Variants in ADORA2B observed in about 807,000 individuals in gnomAD.
ADORA2B encodes the protein adenosine A2b receptor, also known as adenosine receptor A2b.
ADORA2B carries 18 observed loss-of-function variants against 20.8 expected under a neutral mutation model. The observed-to-expected ratio is 0.87, with a 90% CI of 0.60 to 1.29. The LOEUF is 1.29. ADORA2B is among the 50% of genes most tolerant of loss of function. The pLI is 0.00. For synonymous variants in ADORA2B, 179 were observed against 178.3 expected (o/e 1.00, Z -0.03); for missense variants, 441 against 422.7 (o/e 1.04, Z -0.38).
the ADORA2B span, among the ~76,000 whole-genome samples, chr17:15,913,496 C>A: frequency 6.6e-6 from 1 of 152,186 alleles, no homozygotes; most frequent in African/African-American, 2.4e-5. Flanking sequence ...ACAAGAAGGA[C>A]CCCTGGAGGG....
At chr17:15,866,688 T>TCTGCCG in the ADORA2B span, among the ~76,000 whole-genome samples, 2 of 78,824 alleles carry the variant, frequency 2.5e-5, no homozygotes, top group Non-Finnish European at 5.9e-5. Flanking sequence ...TGGCTCTCCC[T>TCTGCCG]CTGCCTCTGC....
At chr17:15,937,010 C>G in the ADORA2B span, among the ~76,000 whole-genome samples, 1 of 152,130 alleles carries the variant, frequency 6.6e-6, no homozygotes, top group Non-Finnish European at 1.5e-5. Flanking sequence ...AAATCTTTGC[C>G]TAGTAAACCT....
upstream of ADORA2B, among the ~76,000 whole-genome samples, chr17:15,941,478 G>A (rs550237274): frequency 1.2e-4 from 19 of 152,128 alleles, no homozygotes; most frequent in South Asian, 6.2e-4. Flanking sequence ...TTGTAATCCC[G>A]GCACTTTGGG....
the ADORA2B span, among the ~76,000 whole-genome samples, chr17:15,923,718 T>C: frequency 6.6e-6 from 1 of 152,050 alleles, no homozygotes; most frequent in Non-Finnish European, 1.5e-5. Flanking sequence ...ATTGCCCATA[T>C]TTCTTAGTGA....
chr17:15,900,134 A>G, the ADORA2B span, among the ~76,000 whole-genome samples: 3 of 152,088 alleles, frequency 2.0e-5, no homozygotes, highest in Admixed American at 1.3e-4. Context: ...CCAGCCAAAC[A>G]CATTTTCTTT....
intron 1 of ADORA2B, among the ~76,000 whole-genome samples, chr17:15,969,054 C>T (rs8075049): frequency 0.021 from 3,193 of 152,290 alleles, 106 homozygotes; most frequent in South Asian, 0.073. Flanking sequence ...CCTGCACTGG[C>T]GCTGTTCTTG....
upstream of ADORA2B, among the ~76,000 whole-genome samples, chr17:15,944,582 C>T (rs1194088569): frequency 1.3e-5 from 2 of 151,994 alleles, no homozygotes; most frequent in Admixed American, 6.6e-5. The surrounding 1 kb of genome is among the most constrained non-coding windows in gnomAD (Gnocchi z 4.8). Flanking sequence ...GGGCTGCAGC[C>T]CCCGAGGGCT....
the ADORA2B span, among the ~76,000 whole-genome samples, chr17:15,915,281 G>A: frequency 4.6e-5 from 7 of 152,158 alleles, no homozygotes; most frequent in African/African-American, 1.7e-4. Flanking sequence ...TGCGAAAGGC[G>A]CTCTGATTTT....
At chr17:15,929,005 C>G in the ADORA2B span, among the ~76,000 whole-genome samples, 1 of 152,062 alleles carries the variant, frequency 6.6e-6, no homozygotes. Flanking sequence ...CTGTCAGCTG[C>G]AGGTCCTCAG....
chr17:15,882,688 T>C, the ADORA2B span, among the ~76,000 whole-genome samples: 16 of 152,168 alleles, frequency 1.1e-4, no homozygotes. Flanking sequence ...TTTTTCCATA[T>C]AAATAGAAAT....
chr17:15,910,880 G>T, the ADORA2B span, among the ~76,000 whole-genome samples: 3 of 152,316 alleles, frequency 2.0e-5, no homozygotes, highest in Admixed American at 6.5e-5. Context: ...CTAACCTGGG[G>T]ACAAGAGACT....
chr17:15,974,593 T>A, intron 1 of ADORA2B, 86 bp from the exon 2 acceptor site: 1 of 1,225,786 alleles, frequency 8.2e-7, no homozygotes, highest in Non-Finnish European at 1.2e-6. Context: ...TGTTAAAGGG[T>A]CATGGAAAAA....
chr17:15,872,324 A>G, the ADORA2B span, among the ~76,000 whole-genome samples: 12 of 152,300 alleles, frequency 7.9e-5, no homozygotes, highest in Admixed American at 7.2e-4. Context: ...AACTAGTATA[A>G]TTTGAAGTCC....
chr17:15,875,175 A>T, the ADORA2B span, among the ~76,000 whole-genome samples: 1 of 152,136 alleles, frequency 6.6e-6, no homozygotes, highest in Non-Finnish European at 1.5e-5. Flanking sequence ...GTGTTCCCAT[A>T]ATCAAGTCTG....
chr17:15,918,956 G>A, the ADORA2B span, among the ~76,000 whole-genome samples: 2 of 152,154 alleles, frequency 1.3e-5, no homozygotes, highest in African/African-American at 4.8e-5. Flanking sequence ...AGTGAAGCCT[G>A]AGTGAACCAC....
the ADORA2B span, among the ~76,000 whole-genome samples, chr17:15,857,501 A>AAC: frequency 6.6e-6 from 1 of 152,164 alleles, no homozygotes; most frequent in Admixed American, 6.5e-5. Flanking sequence ...ACAGGCACTC[A>AAC]ACACCAGCCC....
intron 1 of ADORA2B, among the ~76,000 whole-genome samples, chr17:15,962,593 G>A (rs1430573514): frequency 6.6e-6 from 1 of 151,920 alleles, no homozygotes; most frequent in Non-Finnish European, 1.5e-5. Context: ...GTGCAATGGC[G>A]CAATCTCAGC....
At chr17:15,869,851 T>C in the ADORA2B span, among the ~76,000 whole-genome samples, 17 of 152,240 alleles carry the variant, frequency 1.1e-4, no homozygotes, top group Non-Finnish European at 1.0e-4. Flanking sequence ...TTAGCCTGAA[T>C]TGCATATACT....
upstream of ADORA2B, among the ~76,000 whole-genome samples, chr17:15,944,402 T>G (rs1969771208): frequency 1.3e-5 from 2 of 151,520 alleles, no homozygotes; most frequent in African/African-American, 2.4e-5. This position sits in a 1 kb window ranked among gnomAD's most constrained non-coding sequence, Gnocchi z 4.8. Flanking sequence ...AGGGTGAGTG[T>G]GAAGGAAAGA....
Sources: gnomAD v4.1 joint callset for allele counts (sites outside exome capture counted in the v4.1 genomes callset) on GRCh38, gnomAD v4.1.1 for gene constraint, Gnocchi (gnomAD v3.1) non-coding constraint, MANE v1.5 for transcripts, NCBI Gene and HGNC (gene_info 2026-07-23, HGNC 2026-07-21) for gene names.